Variants in SERGEF observed in about 807,000 individuals in gnomAD.
SERGEF encodes secretion-regulating guanine nucleotide exchange factor.
Under a neutral mutation model 50.0 loss-of-function variants are expected in SERGEF, and 51 were observed. The observed-to-expected ratio is 1.02, with a 90% confidence interval of 0.81 to 1.29. The LOEUF is 1.29. Ranked by LOEUF, SERGEF falls within the 50% of genes most tolerant of loss-of-function variation. SERGEF has a pLI of 0.00. For missense variants in SERGEF, 521 were observed against 557.0 expected, an observed-to-expected ratio of 0.94 and a Z score of 0.65; for synonymous variants, 205 against 212.4, an observed-to-expected ratio of 0.97 and a Z score of 0.30.
At chr11:17,790,032 G>C (rs1849454626) in intron 10 of SERGEF, among the ~76,000 whole-genome samples, 1 of 152,158 alleles carries the variant, frequency 6.6e-6, no homozygotes, top group South Asian at 2.1e-4. Flanking sequence ...TTCTTCTCAA[G>C]ATGCATTAAA....
At chr11:17,865,835 A>G (rs1851012564) in intron 10 of SERGEF, among the ~76,000 whole-genome samples, 1 of 152,192 alleles carries the variant, frequency 6.6e-6, no homozygotes, top group Non-Finnish European at 1.5e-5. Flanking sequence ...GCCTAAGTGC[A>G]CAGTATTTAC....
At chr11:17,825,493 T>A (rs1260500458) in intron 10 of SERGEF, among the ~76,000 whole-genome samples, 1 of 152,214 alleles carries the variant, frequency 6.6e-6, no homozygotes, top group African/African-American at 2.4e-5. Flanking sequence ...TGTAAGCATT[T>A]TCTTTTCTGA....
rs1356821904 is a variant in SERGEF, at chr11:17,997,855, AG to A, written c.509-1947del. 2.0e-5 allele frequency among the ~76,000 whole-genome samples: 3 copies of A among 152,180 alleles called. No individual in the cohort carries two copies. In the East Asian group the frequency reaches 5.8e-4, roughly 29 times the overall value. ...AAAGTATAGATACAGAAAGTAGAAT[AG>A]TGATTGCCATGGGCCAGTGGAATGG... On this transcript the variant is annotated intron_variant, in intron 5 of 10. Coordinates refer to ENST00000265965, the MANE Select transcript of SERGEF (RefSeq NM_012139.4).
chr11:17,805,204 T>TC (rs1849735925), intron 10 of SERGEF, among the ~76,000 whole-genome samples: 1 of 152,186 alleles, frequency 6.6e-6, no homozygotes, highest in South Asian at 2.1e-4. Context: ...GGGCTCTAAG[T>TC]CTCAGCTCTG....
chr11:17,847,823 G>A (rs1590153471), intron 10 of SERGEF, among the ~76,000 whole-genome samples: 2 of 152,256 alleles, frequency 1.3e-5, no homozygotes, highest in South Asian at 2.1e-4. Flanking sequence ...GTCCTTATCC[G>A]GGAGACTGGG....
chr11:17,793,973 C>T (rs540948636), intron 10 of SERGEF, among the ~76,000 whole-genome samples: 1 of 152,336 alleles, frequency 6.6e-6, no homozygotes, highest in South Asian at 2.1e-4. Context: ...AGGTCTGTGG[C>T]ACCTGCCCGA....
intron 10 of SERGEF, chr11:17,853,978 A>T (rs1291753377): frequency 6.9e-6 from 1 of 144,270 alleles, no homozygotes; most frequent in African/African-American, 2.6e-5. Context: ...CCAAGATCAC[A>T]CCACTGCACT....
In SERGEF at chr11:17,853,385, C is replaced by T. The variant is rs1431266624; in HGVS notation, c.1048+24823G>A. 4.6e-5 allele frequency among the ~76,000 whole-genome samples: 7 copies of T among 152,134 alleles called. No homozygotes were observed. In the East Asian group the frequency reaches 1.2e-3, roughly 25 times the overall value. On this transcript the variant is annotated intron_variant, in intron 10 of 10. Transcript: ENST00000265965. Reference sequence around the variant, plus strand: ...CCTGTATTTCCCAAGGCACCACACCCCCATCTGTTATCTGTAGACCTGTTA... The same window carrying T: ...CCTGTATTTCCCAAGGCACCACACCTCCATCTGTTATCTGTAGACCTGTTA...
chr11:17,900,963 T>C (rs143184484), intron 9 of SERGEF, among the ~76,000 whole-genome samples: 112 of 152,212 alleles, frequency 7.4e-4, no homozygotes, highest in African/African-American at 2.6e-3. Flanking sequence ...AGATGTGAAA[T>C]AGGCAATTCA....
chr11:17,972,860 G>C (rs1447261931), intron 8 of SERGEF, among the ~76,000 whole-genome samples: 1 of 151,992 alleles, frequency 6.6e-6, no homozygotes, highest in Non-Finnish European at 1.5e-5. Context: ...CCAAGGGCTG[G>C]GTAATGAAAG....
chr11:17,792,429 T>G (rs1337008847), intron 10 of SERGEF, among the ~76,000 whole-genome samples: 1 of 151,820 alleles, frequency 6.6e-6, no homozygotes, highest in African/African-American at 2.4e-5. Flanking sequence ...GGGATGGGGG[T>G]GGGAGGAAGG....
At chr11:17,838,323 G>A (rs1238438064) in intron 10 of SERGEF, among the ~76,000 whole-genome samples, 4 of 152,192 alleles carry the variant, frequency 2.6e-5, no homozygotes, top group African/African-American at 4.8e-5. Flanking sequence ...CTAAACAGGC[G>A]GTATCTGACA....
chr11:17,968,433 A>C (rs182375838), intron 8 of SERGEF, among the ~76,000 whole-genome samples: 1 of 152,304 alleles, frequency 6.6e-6, no homozygotes, highest in Non-Finnish European at 1.5e-5. Context: ...CATAAAACTT[A>C]ATCCTAGCAC....
chr11:17,816,924 G>A (rs954406146), intron 10 of SERGEF, among the ~76,000 whole-genome samples: 8 of 152,174 alleles, frequency 5.3e-5, no homozygotes, highest in African/African-American at 9.7e-5. Flanking sequence ...TAGGGAAGCA[G>A]CCTTATATGT....
chr11:17,986,897 C>T (rs1036846826), intron 8 of SERGEF, among the ~76,000 whole-genome samples: 2 of 152,330 alleles, frequency 1.3e-5, no homozygotes, highest in Admixed American at 1.3e-4. Flanking sequence ...AGGTCTATCA[C>T]CCCTAGTGGA....
chr11:17,852,933 C>T (rs1449214568), intron 10 of SERGEF, among the ~76,000 whole-genome samples: 1 of 152,170 alleles, frequency 6.6e-6, no homozygotes, highest in African/African-American at 2.4e-5. Context: ...TCCATGAGAA[C>T]TATCAGAGAA....
chr11:17,803,074 A>G (rs1283790005), intron 10 of SERGEF, among the ~76,000 whole-genome samples: 2 of 152,254 alleles, frequency 1.3e-5, no homozygotes, highest in South Asian at 2.1e-4. Context: ...GGGAACCCAA[A>G]TCAAAGTGCT....
At chr11:17,940,842 C>T (rs115569420) in intron 9 of SERGEF, among the ~76,000 whole-genome samples, 2,795 of 152,234 alleles carry the variant, frequency 0.018, 92 homozygotes, top group African/African-American at 0.063. Flanking sequence ...GTCAGACCAC[C>T]CACTGCTCAA....
intron 10 of SERGEF, among the ~76,000 whole-genome samples, chr11:17,856,966 A>G (rs1850832611): frequency 6.6e-6 from 1 of 152,192 alleles, no homozygotes; most frequent in South Asian, 2.1e-4. Flanking sequence ...AAACATGTCT[A>G]AACAGGTCTA....
Sources: allele counts gnomAD v4.1 joint callset (sites outside exome capture counted in the v4.1 genomes callset), GRCh38; gene constraint gnomAD v4.1.1; transcripts MANE v1.5; gene names NCBI Gene and HGNC (gene_info 2026-07-23, HGNC 2026-07-21).